RBM19: variants seen among roughly 807,000 people sequenced by gnomAD.
RBM19 encodes probable RNA-binding protein 19.
Under a neutral mutation model 116.8 loss-of-function variants are expected in RBM19, and 94 were observed. The ratio of observed to expected loss-of-function variants is 0.80; its 90% CI spans 0.68 to 0.95. The LOEUF (loss-of-function observed/expected upper bound fraction) is 0.95, where lower values mean the gene tolerates loss of function less well. Among genes scored for constraint, RBM19 ranks in the 40% least tolerant of loss-of-function variants. The pLI is 0.00. For missense variants in RBM19, 1,161 were observed against 1,220.7 expected, an observed-to-expected ratio of 0.95 and a Z score of 0.73; for synonymous variants, 475 against 494.1, an observed-to-expected ratio of 0.96 and a Z score of 0.51.
intron 22 of RBM19, among the ~76,000 whole-genome samples, chr12:113,853,006 T>C (rs12426207): frequency 0.05 from 7,556 of 152,332 alleles, 278 homozygotes; most frequent in Non-Finnish European, 0.081. Flanking sequence ...TAATGAGCTT[T>C]GTCCGGCTCG....
At chr12:113,888,313 C>T (rs776185192) in intron 21 of RBM19, among the ~76,000 whole-genome samples, 2 of 152,192 alleles carry the variant, frequency 1.3e-5, no homozygotes, top group Non-Finnish European at 2.9e-5. Flanking sequence ...TGGAAGCTGA[C>T]ATCACATCCG....
downstream of RBM19, among the ~76,000 whole-genome samples, chr12:113,820,526 T>C (rs868816668): frequency 1.3e-5 from 2 of 151,990 alleles, no homozygotes; most frequent in East Asian, 1.9e-4. Context: ...GACTCGACTT[T>C]CCATGCGTCA....
In RBM19 at chr12:113,959,847, G is replaced by A; in HGVS notation, c.378+18C>T. ...GCTGCCCACCCTCTCTCCTCCTTGG[G>A]CAACAGGACAGACTCACCTTCTCCA... On this transcript the variant is annotated intron_variant, in intron 4 of 23. Coordinates refer to ENST00000261741, the MANE Select transcript of RBM19 (RefSeq NM_016196.4). 6.2e-7 allele frequency: 1 copy of A among 1,613,816 alleles called. No homozygotes were observed. Among genetic ancestry groups the A allele is most frequent in the Non-Finnish European group, 8.5e-7 (1 of 1,179,842 alleles).
At chr12:113,925,540 G>T (rs116512644) in intron 17 of RBM19, among the ~76,000 whole-genome samples, 1,756 of 152,258 alleles carry the variant, frequency 0.012, 37 homozygotes, top group African/African-American at 0.04. Flanking sequence ...GGCAAAGCTG[G>T]GATCCAAGCC....
At chr12:113,950,060 G>A (rs1342047301) in intron 9 of RBM19, 23 bp downstream of exon 9, 2 of 1,564,622 alleles carry the variant, frequency 1.3e-6, no homozygotes, top group Non-Finnish European at 1.8e-6. Context: ...CACAGAGAGA[G>A]CACATGGCCA....
At chr12:113,878,221 C>T (rs902542867) in intron 21 of RBM19, among the ~76,000 whole-genome samples, 8 of 152,180 alleles carry the variant, frequency 5.3e-5, no homozygotes, top group Admixed American at 3.3e-4. Context: ...ACTGTATCCC[C>T]AGCCCAGGGC....
chr12:113,912,766 G>T (rs919708643), intron 21 of RBM19, among the ~76,000 whole-genome samples: 2 of 152,168 alleles, frequency 1.3e-5, no homozygotes, highest in Non-Finnish European at 2.9e-5. Context: ...GGACCAGCTT[G>T]GTTCCCCGAA....
chr12:113,915,767 C>T (rs549706010), intron 20 of RBM19, among the ~76,000 whole-genome samples: 55 of 152,290 alleles, frequency 3.6e-4, no homozygotes, highest in African/African-American at 1.2e-3. Context: ...TAATGATAGG[C>T]CCACCTAATT....
At chr12:113,824,309 T>C (rs1364775825) in intron 23 of RBM19, among the ~76,000 whole-genome samples, 1 of 152,150 alleles carries the variant, frequency 6.6e-6, no homozygotes, top group Admixed American at 6.5e-5. Flanking sequence ...CTTTCTGCTT[T>C]TTATGAAAGT....
At chr12:113,906,968 A>T (rs1882088596) in intron 21 of RBM19, among the ~76,000 whole-genome samples, 1 of 152,074 alleles carries the variant, frequency 6.6e-6, no homozygotes, top group Non-Finnish European at 1.5e-5. Flanking sequence ...GACGGGACTG[A>T]CACAGCCCCA....
Position 113,954,078 on chromosome 12 carries a change from T to A in RBM19, c.921+1053A>T, listed in dbSNP as rs532374465. On this transcript the variant is annotated intron_variant, in intron 7 of 23. Transcript: ENST00000261741. Reference sequence around the variant, plus strand: ...AGTTTACCCTGAGTAAGGAAGAGCATGAGCATAAAAAATGCTGCTGTAGCA... The same window carrying A: ...AGTTTACCCTGAGTAAGGAAGAGCAAGAGCATAAAAAATGCTGCTGTAGCA... Among the ~76,000 whole-genome samples the A allele has an allele frequency of 1.6e-4, 25 of 152,326 alleles. 2 individuals are homozygous for A. In the South Asian group the frequency reaches 4.8e-3, roughly 29 times the overall value.
intron 21 of RBM19, among the ~76,000 whole-genome samples, chr12:113,865,844 CA>C (rs1442662732): frequency 6.6e-6 from 1 of 150,792 alleles, no homozygotes; most frequent in African/African-American, 2.4e-5. Flanking sequence ...AAAAAGGGGG[CA>C]GGGGGGCCAG....
intron 21 of RBM19, among the ~76,000 whole-genome samples, chr12:113,865,950 A>C (rs547715550): frequency 3.0e-4 from 45 of 152,322 alleles, no homozygotes; most frequent in Non-Finnish European, 5.6e-4. Context: ...CTTCACAGGC[A>C]ACCCTGGCCA....
At chr12:113,881,666 A>G (rs1280539195) in intron 21 of RBM19, among the ~76,000 whole-genome samples, 1 of 152,210 alleles carries the variant, frequency 6.6e-6, no homozygotes, top group Non-Finnish European at 1.5e-5. Flanking sequence ...AGACGAAACT[A>G]CGGCCAGACA....
Position 113,955,182 on chromosome 12 carries a change from G to A in RBM19, c.870C>T (p.Pro290=). The A allele has an allele frequency of 6.2e-7, 1 of 1,614,140 alleles. No individual in the cohort carries two copies. Among genetic ancestry groups the A allele is most frequent in the Non-Finnish European group, 8.5e-7 (1 of 1,180,028 alleles). Residue 290 remains proline, a synonymous_variant, in exon 7 of 24, where the codon CCC becomes CCT. Transcript: ENST00000261741. ...ETEKPANQKE[P]TTCHTVKLRG... ...GCAGCTTCACGGTGTGGCAGGTGGTGGGTTCCTTCTGGTTTGCTGGTTTCT... is the reference window on the plus strand; with the variant it reads ...GCAGCTTCACGGTGTGGCAGGTGGTAGGTTCCTTCTGGTTTGCTGGTTTCT...
chr12:113,894,749 G>A (rs142060639), intron 21 of RBM19, among the ~76,000 whole-genome samples: 138 of 152,352 alleles, frequency 9.1e-4, no homozygotes, highest in African/African-American at 3.2e-3. Context: ...TTCTCCAAAT[G>A]AAGGTCTGGG....
intron 21 of RBM19, among the ~76,000 whole-genome samples, chr12:113,877,372 C>T (rs1162214483): frequency 1.3e-5 from 2 of 152,200 alleles, no homozygotes; most frequent in African/African-American, 4.8e-5. Flanking sequence ...CCCTCCCAGA[C>T]CCTACAGGGA....
chr12:113,862,802 A>T (rs1363546150), intron 21 of RBM19, among the ~76,000 whole-genome samples: 1 of 152,186 alleles, frequency 6.6e-6, no homozygotes, highest in Admixed American at 6.5e-5. Context: ...CAATTACTGT[A>T]TCAGAAGCTG....
intron 18 of RBM19, 82 bp downstream of exon 18, chr12:113,924,615 C>T: frequency 8.0e-7 from 1 of 1,250,708 alleles, no homozygotes; most frequent in African/African-American, 1.5e-5. Context: ...TACCCCAACC[C>T]CTTGTCTGAA....
Sources: gnomAD v4.1 joint callset for allele counts (sites outside exome capture counted in the v4.1 genomes callset) on GRCh38, gnomAD v4.1.1 for gene constraint, MANE v1.5 for transcripts, NCBI Gene and HGNC (gene_info 2026-07-23, HGNC 2026-07-21) for gene names.